E2F7: variants seen among roughly 807,000 people sequenced by gnomAD.
E2F7 encodes the protein E2F transcription factor 7.
E2F7 carries 35 observed loss-of-function variants against 81.1 expected under a neutral mutation model. The ratio of observed to expected loss-of-function variants is 0.43; its 90% CI spans 0.33 to 0.57. E2F7 has a LOEUF of 0.57. Among genes scored for constraint, E2F7 ranks in the 20% least tolerant of loss-of-function variants. The pLI is 0.04. For synonymous variants in E2F7, 416 were observed against 416.2 expected (o/e 1.00, Z 0.01); for missense variants, 961 against 1,093.7 (o/e 0.88, Z 1.71).
intron 12 of E2F7, among the ~76,000 whole-genome samples, chr12:77,024,454 A>T (rs1447486088): frequency 6.6e-6 from 1 of 152,182 alleles, no homozygotes; most frequent in South Asian, 2.1e-4. Context: ...GCCACTGTGG[A>T]CAAGTTACTT....
chr12:77,056,533 A>G (rs1234365255), intron 2 of E2F7, among the ~76,000 whole-genome samples: 1 of 152,186 alleles, frequency 6.6e-6, no homozygotes. Flanking sequence ...CTGTAGTTCA[A>G]TGTGCACCAG....
rs1382903652 is a variant in E2F7, at chr12:77,025,637, G to A, written c.2486C>T (p.Ser829Leu). The A allele has an allele frequency of 1.9e-6, 3 of 1,614,074 alleles. No homozygotes were observed. The highest frequency in any genetic ancestry group is 2.5e-6 in the Non-Finnish European group (3 of 1,180,056). ...QPSLNLSPVMSRSHSVVQQPE... is the reference protein window; with the variant it reads ...QPSLNLSPVMLRSHSVVQQPE... ...TTGTTGGACGACACTGTGTGACCTT[G>A]ACATCACTGGACTTAGGTTTAGTGA... The change falls in exon 12 of 13, where the codon TCA (serine) becomes TTA (leucine). Residue 829 changes from serine to leucine, a missense_variant. Coordinates refer to ENST00000322886, the MANE Select transcript of E2F7 (RefSeq NM_203394.3).
chr12:77,049,207 A>T (rs1954965888), intron 4 of E2F7, among the ~76,000 whole-genome samples: 1 of 152,116 alleles, frequency 6.6e-6, no homozygotes, highest in African/African-American at 2.4e-5. Flanking sequence ...TGCAACTGAT[A>T]CACCCAGGGC....
In E2F7 at chr12:77,024,057, C is replaced by G. The variant is rs778732545; in HGVS notation, c.2694G>C (p.Ser898=). 24 of 1,613,994 alleles carry G rather than the reference C, an allele frequency of 1.5e-5. No homozygotes were observed. The highest frequency in any genetic ancestry group is 2.0e-5 in the Non-Finnish European group (24 of 1,180,014). Residue 898 remains serine, a synonymous_variant, in exon 13 of 13, where the codon TCG becomes TCC. Transcript: ENST00000322886. ...TGGGGATTTCTAGTCTCCTCTGGGC[C>G]GAGCTGGTGTTTCGTGACTGGTTCC... ...RERNQSRNTS[S]AQRRLEIPSG...
rs187379324 is a variant in E2F7, at chr12:77,059,599, A to T, written c.94-3469T>A. Among the ~76,000 whole-genome samples the T allele has an allele frequency of 2.1e-3, 325 of 152,236 alleles. 1 individual carries two copies. Among genetic ancestry groups the T allele is most frequent in the Non-Finnish European group, 2.9e-3 (197 of 68,012 alleles). The stretch of plus-strand genomic sequence containing the variant: ...AAGTAATGCCAACAGTCATCCCATA[A>T]CTGGACTGCTTTGGCTGAAGACAGC... On this transcript the variant is annotated intron_variant, in intron 2 of 12. Transcript: ENST00000322886.
chr12:77,025,701 T>C lies in E2F7; in HGVS notation c.2422A>G (p.Thr808Ala), dbSNP rs1329357174. The C allele has an allele frequency of 6.2e-7, 1 of 1,614,140 alleles. No homozygotes were observed. The highest frequency in any genetic ancestry group is 2.2e-5 in the East Asian group (1 of 44,874). Residue 808 changes from threonine (T) to alanine (A), a missense_variant, in exon 12 of 13, where the codon ACA becomes GCA. By Grantham distance (58) the Thr-to-Ala change is moderately conservative. Transcript: ENST00000322886. ...PTAVVNPKSS[T>A]LPSADPQLQS... ...AGCTGAGGGTCTGCAGAAGGGAGTG[T>C]GGACGACTTTGGATTAACCACAGCT...
At position 77,054,393 on chromosome 12, in the gene E2F7, T is replaced by TA. The variant is rs200234939; in HGVS notation, c.369+1461dup. Reference sequence around the variant, plus strand: ...GAAACAAACTATGGGAAATTGAAACTAAAAAAAAAATACAATTTGCAATAG... The same window carrying TA: ...GAAACAAACTATGGGAAATTGAAACTAAAAAAAAAAATACAATTTGCAATAG... On this transcript the variant is annotated intron_variant, in intron 3 of 12. Transcript: ENST00000322886. Among the ~76,000 whole-genome samples, 22 of 148,340 alleles carry TA rather than the reference T, an allele frequency of 1.5e-4. No homozygotes were observed. In the Middle Eastern group the frequency reaches 0.01, roughly 71 times the overall value.
rs764241062 is a variant in E2F7, at chr12:77,027,938, A to C, written c.2085T>G (p.Asn695Lys). Reference sequence around the variant, plus strand: ...GCAAAGAAGGCTCTTTGGTGCTTTCATTTTCTTTTGAAGGCTTTTCAACAT... The same window carrying C: ...GCAAAGAAGGCTCTTTGGTGCTTTCCTTTTCTTTTGAAGGCTTTTCAACAT... ...NTDVEKPSKE[N>K]ESTKEPSLLQ... Residue 695 changes from asparagine (N) to lysine (K), a missense_variant, in exon 11 of 13, where the codon AAT becomes AAG. Physicochemically the swap from Asn to Lys is moderately conservative, Grantham distance 94. Coordinates refer to ENST00000322886, the MANE Select transcript of E2F7 (RefSeq NM_203394.3). 6.2e-7 allele frequency: 1 copy of C among 1,614,148 alleles called. No homozygotes were observed. Among genetic ancestry groups the C allele is most frequent in the Non-Finnish European group, 8.5e-7 (1 of 1,180,008 alleles).
intron 10 of E2F7, among the ~76,000 whole-genome samples, chr12:77,029,172 G>A (rs1299118936): frequency 6.6e-6 from 1 of 151,990 alleles, no homozygotes. Context: ...ATTCACTCTG[G>A]TAAGAGAAAA....
Position 77,033,803 on chromosome 12 carries a change from G to A in E2F7, c.1309+54C>T, listed in dbSNP as rs533932262. Reference sequence around the variant, plus strand: ...AGCACGTGGGTGCTGCACTGGCATGGGCTACAGCTACATGGCAACTGATGG... The same window carrying A: ...AGCACGTGGGTGCTGCACTGGCATGAGCTACAGCTACATGGCAACTGATGG... On this transcript the variant is annotated intron_variant, in intron 8 of 12. Coordinates refer to ENST00000322886, the MANE Select transcript of E2F7 (RefSeq NM_203394.3). The A allele has an allele frequency of 5.1e-5, 76 of 1,492,220 alleles. No homozygotes were observed. The African/African-American group carries it at 1.0e-3, about 20-fold the overall frequency. 92.4% of individuals were successfully genotyped at this position (1,492,220 alleles called of 1,614,324 possible).
chr12:77,044,869 A>G (rs1954925824), intron 5 of E2F7, 74 bp from the exon 6 acceptor site: 2 of 1,534,418 alleles, frequency 1.3e-6, no homozygotes, highest in African/African-American at 1.4e-5. Flanking sequence ...CAGCTTGCCA[A>G]AATGATCTAG....
Position 77,046,346 on chromosome 12 carries a change from G to C in E2F7, c.539-18C>G. ...TTCCACACCTGTTTGAAAAACAGAG[G>C]CTGATGGACATCATGCAGACAAACA... On this transcript the variant is annotated intron_variant, in intron 4 of 12. Coordinates refer to ENST00000322886, the MANE Select transcript of E2F7 (RefSeq NM_203394.3). 1 of 1,603,518 alleles carries C rather than the reference G, an allele frequency of 6.2e-7. No homozygotes were observed. Among genetic ancestry groups the C allele is most frequent in the Non-Finnish European group, 8.5e-7 (1 of 1,174,132 alleles).
At chr12:77,056,277 A>T (rs2120745208) in intron 2 of E2F7, 147 bp from the exon 3 acceptor site, 1 of 800,374 alleles carries the variant, frequency 1.2e-6, no homozygotes, top group East Asian at 2.7e-5. Flanking sequence ...GGACTAACGA[A>T]AAGTAGTCAT....
At chr12:77,041,802 T>G (rs901155113) in intron 7 of E2F7, among the ~76,000 whole-genome samples, 1 of 152,212 alleles carries the variant, frequency 6.6e-6, no homozygotes, top group African/African-American at 2.4e-5. Context: ...AAATGTATGC[T>G]AACTATATGC....
chr12:77,051,499 AG>A (rs978900210), intron 3 of E2F7, among the ~76,000 whole-genome samples: 3 of 142,708 alleles, frequency 2.1e-5, no homozygotes, highest in Non-Finnish European at 4.6e-5. Context: ...GGGTGGGGGC[AG>A]GGGGGAGGGA....
At chr12:77,053,074 T>A (rs1221867477) in intron 3 of E2F7, among the ~76,000 whole-genome samples, 1 of 152,088 alleles carries the variant, frequency 6.6e-6, no homozygotes, top group African/African-American at 2.4e-5. Flanking sequence ...GGGAGGCAAA[T>A]AGTACTTTGG....
intron 7 of E2F7, among the ~76,000 whole-genome samples, chr12:77,038,250 C>T (rs1954869492): frequency 6.6e-6 from 1 of 152,060 alleles, no homozygotes; most frequent in Admixed American, 6.5e-5. Context: ...AACAGGTAAA[C>T]ATAAAATCAG....
At chr12:77,061,508 C>T (rs1461696880) in intron 2 of E2F7, among the ~76,000 whole-genome samples, 1 of 152,206 alleles carries the variant, frequency 6.6e-6, no homozygotes, top group East Asian at 1.9e-4. Context: ...GCTCTCCTAG[C>T]CTCTTTGGCC....
chr12:77,056,487 C>A (rs1355509039), intron 2 of E2F7, among the ~76,000 whole-genome samples: 2 of 152,168 alleles, frequency 1.3e-5, no homozygotes, highest in Non-Finnish European at 2.9e-5. Context: ...ACACTACTTA[C>A]AAGTTTGCAT....
Sources: allele counts gnomAD v4.1 joint callset (sites outside exome capture counted in the v4.1 genomes callset), GRCh38; gene constraint gnomAD v4.1.1; transcripts MANE v1.5; gene names NCBI Gene and HGNC (gene_info 2026-07-23, HGNC 2026-07-21).